The following PPP1R16B variants were observed in gnomAD, a reference collection of about 807,000 sequenced individuals.
The protein encoded by PPP1R16B is protein phosphatase 1 regulatory subunit 16B, also known as protein phosphatase 1 regulatory inhibitor subunit 16B.
Under a neutral mutation model 61.7 loss-of-function variants are expected in PPP1R16B, and 14 were observed. The observed-to-expected ratio is 0.23, with a 90% CI of 0.15 to 0.35. PPP1R16B has a LOEUF of 0.35. Ranked by LOEUF, PPP1R16B falls within the 10% of genes least tolerant of loss-of-function variation. PPP1R16B has a pLI of 1.00. For synonymous variants in PPP1R16B, 266 were observed against 305.3 expected (o/e 0.87, Z 1.34); for missense variants, 547 against 752.5 (o/e 0.73, Z 3.19).
At chr20:38,873,993 T>C (rs186529326) in intron 2 of PPP1R16B, among the ~76,000 whole-genome samples, 27 of 152,160 alleles carry the variant, frequency 1.8e-4, no homozygotes, top group African/African-American at 5.5e-4. Context: ...CCTCCCAAAG[T>C]TCTGGGATTA....
chr20:38,811,535 G>A (rs979293068), intron 1 of PPP1R16B, among the ~76,000 whole-genome samples: 5 of 152,208 alleles, frequency 3.3e-5, no homozygotes, highest in Non-Finnish European at 5.9e-5. Flanking sequence ...CTTCCAAGCT[G>A]TAGATAATAT....
intron 2 of PPP1R16B, among the ~76,000 whole-genome samples, chr20:38,877,903 G>A (rs865849869): frequency 8.7e-5 from 12 of 138,526 alleles, no homozygotes; most frequent in African/African-American, 3.2e-4. Flanking sequence ...TTTAATTTTA[G>A]TCTCCGTTAT....
intron 3 of PPP1R16B, 42 bp from the exon 4 acceptor site, chr20:38,895,523 G>A (rs763051410): frequency 6.2e-7 from 1 of 1,603,718 alleles, no homozygotes; most frequent in Non-Finnish European, 8.5e-7. Context: ...CCGGGGCCCA[G>A]TGCCCTGCCT....
Position 38,910,646 on chromosome 20 carries a change from A to T in PPP1R16B, c.1194+2453A>T, listed in dbSNP as rs1470110842. The stretch of plus-strand genomic sequence containing the variant: ...CCTCTTGGGATCAAGCGATCCTCCC[A>T]CCTCAGCCTCTTGGGTAGCTGGGAC... On this transcript the variant is annotated intron_variant, in intron 10 of 10. Coordinates refer to ENST00000299824, the MANE Select transcript of PPP1R16B (RefSeq NM_015568.4). Among the ~76,000 whole-genome samples, 4 of 149,346 alleles carry T rather than the reference A, an allele frequency of 2.7e-5. No individual in the cohort carries two copies. The Admixed American group carries it at 2.7e-4, about 10-fold the overall frequency.
chr20:38,815,349 G>A (rs2084728845), intron 1 of PPP1R16B, among the ~76,000 whole-genome samples: 1 of 152,094 alleles, frequency 6.6e-6, no homozygotes, highest in African/African-American at 2.4e-5. Context: ...AGATATACCT[G>A]GATCTTTAAG....
intron 1 of PPP1R16B, among the ~76,000 whole-genome samples, chr20:38,808,766 G>T (rs1260794749): frequency 6.6e-6 from 1 of 152,162 alleles, no homozygotes; most frequent in Non-Finnish European, 1.5e-5. Context: ...GAGCATAGTG[G>T]CTCACACCTG....
At chr20:38,828,226 C>T (rs771141429) in intron 1 of PPP1R16B, among the ~76,000 whole-genome samples, 37 of 152,368 alleles carry the variant, frequency 2.4e-4, no homozygotes, top group Admixed American at 1.4e-3. Flanking sequence ...CCGCTTCTCC[C>T]AGCTGAGTGG....
chr20:38,889,877 G>A (rs1357916069), intron 3 of PPP1R16B, among the ~76,000 whole-genome samples: 2 of 152,248 alleles, frequency 1.3e-5, no homozygotes, highest in African/African-American at 4.8e-5. Flanking sequence ...TGCGCCCGCA[G>A]ACGCGACTGC....
chr20:38,916,404 G>A (rs1398422463), intron 10 of PPP1R16B, among the ~76,000 whole-genome samples: 1 of 147,570 alleles, frequency 6.8e-6, no homozygotes, highest in African/African-American at 2.5e-5. Flanking sequence ...ATATATGTAT[G>A]TTATATATAA....
rs939415737 is a variant in PPP1R16B, at chr20:38,806,021, C to T, written c.-102+229C>T. 2.0e-5 allele frequency among the ~76,000 whole-genome samples: 3 copies of T among 151,766 alleles called. No individual in the cohort carries two copies. The highest frequency in any genetic ancestry group is 4.4e-5 in the Non-Finnish European group (3 of 67,882). ...CGGGCTGGAATGGGGGCGTTCTCCC[C>T]GGCCTCGCAATTCCTTGACGAGGCC... On this transcript the variant is annotated intron_variant, in intron 1 of 10. Transcript: ENST00000299824. This position sits in a 1 kb window ranked among gnomAD's most constrained non-coding sequence, Gnocchi z 4.5.
At chr20:38,846,136 A>G (rs755068121) in intron 2 of PPP1R16B, among the ~76,000 whole-genome samples, 5 of 152,222 alleles carry the variant, frequency 3.3e-5, no homozygotes, top group South Asian at 2.1e-4. Flanking sequence ...ATTGAGTTCT[A>G]TAGGACTGTC....
intron 2 of PPP1R16B, among the ~76,000 whole-genome samples, chr20:38,874,659 AG>A (rs1168271745): frequency 6.6e-6 from 1 of 152,154 alleles, no homozygotes; most frequent in Non-Finnish European, 1.5e-5. Flanking sequence ...TTGGGCTCAG[AG>A]CCTGGCACTA....
intron 2 of PPP1R16B, among the ~76,000 whole-genome samples, chr20:38,839,403 C>T (rs2084894554): frequency 6.6e-6 from 1 of 152,150 alleles, no homozygotes; most frequent in South Asian, 2.1e-4. Flanking sequence ...TTTTCAGAAC[C>T]TAAATATGCA....
intron 2 of PPP1R16B, among the ~76,000 whole-genome samples, chr20:38,861,673 C>CT (rs869187206): frequency 0.019 from 2,379 of 125,576 alleles, 83 homozygotes; most frequent in African/African-American, 0.056. Flanking sequence ...TGCAGTTCTT[C>CT]TTTTTTTTTT....
chr20:38,850,898 G>T (rs2084964236), intron 2 of PPP1R16B, among the ~76,000 whole-genome samples: 1 of 151,290 alleles, frequency 6.6e-6, no homozygotes, highest in Non-Finnish European at 1.5e-5. Context: ...AACACGGGAG[G>T]TGGAGGTTGC....
chr20:38,914,130 C>T (rs1211089313), intron 10 of PPP1R16B, among the ~76,000 whole-genome samples: 3 of 151,530 alleles, frequency 2.0e-5, no homozygotes, highest in Admixed American at 6.6e-5. Context: ...TTGGAGTGAG[C>T]CAAGATTGCA....
intron 1 of PPP1R16B, among the ~76,000 whole-genome samples, chr20:38,827,171 C>T (rs2145713979): frequency 6.6e-6 from 1 of 152,162 alleles, no homozygotes; most frequent in South Asian, 2.1e-4. Flanking sequence ...GGCTGTGGAT[C>T]CCACTCTTCA....
intron 2 of PPP1R16B, among the ~76,000 whole-genome samples, chr20:38,885,583 T>C (rs1479050854): frequency 2.0e-5 from 3 of 152,200 alleles, no homozygotes; most frequent in Non-Finnish European, 2.9e-5. Context: ...GCCTGGGCTT[T>C]GAAATCAGAG....
At chr20:38,808,722 C>T (rs2084678559) in intron 1 of PPP1R16B, among the ~76,000 whole-genome samples, 1 of 152,090 alleles carries the variant, frequency 6.6e-6, no homozygotes, top group African/African-American at 2.4e-5. Context: ...TCCATGAGAC[C>T]ATTAACACAT....
Sources: allele counts gnomAD v4.1 joint callset (sites outside exome capture counted in the v4.1 genomes callset), GRCh38; gene constraint gnomAD v4.1.1; non-coding constraint Gnocchi (gnomAD v3.1); transcripts MANE v1.5; gene names NCBI Gene and HGNC (gene_info 2026-07-23, HGNC 2026-07-21).